Variants in RAB7A observed in about 807,000 individuals in gnomAD.
RAB7A encodes the protein RAB7A, member RAS oncogene family.
In RAB7A, 2 loss-of-function variants were observed where a neutral mutation model predicts 24.5. The observed-to-expected ratio is 0.08, with a 90% CI of 0.03 to 0.26. The LOEUF is 0.26. RAB7A is among the 10% of genes least tolerant of loss of function. The pLI, the probability that RAB7A is intolerant of heterozygous loss-of-function variation, is 1.00. For missense variants in RAB7A, 118 were observed against 255.7 expected (o/e 0.46, Z 3.67); for synonymous variants, 100 against 95.9 (o/e 1.04, Z -0.25).
At chr3:128,736,120 T>A (rs1381003639) in intron 1 of RAB7A, among the ~76,000 whole-genome samples, 2 of 152,184 alleles carry the variant, frequency 1.3e-5, no homozygotes, top group African/African-American at 4.8e-5. Context: ...TGTTACCTTG[T>A]TTAAACTTCA....
At chr3:128,795,155 G>T in intron 1 of RAB7A, 1 of 618,090 alleles carries the variant, frequency 1.6e-6, no homozygotes. Flanking sequence ...GGATGGCCCT[G>T]CTGTGCTGTT....
chr3:128,747,459 G>T (rs747091052), intron 1 of RAB7A, among the ~76,000 whole-genome samples: 1 of 151,434 alleles, frequency 6.6e-6, no homozygotes. Flanking sequence ...GGTGGCACAT[G>T]CCTGTAATAC....
At chr3:128,727,270 A>G (rs78460081) in intron 1 of RAB7A, among the ~76,000 whole-genome samples, 6,321 of 152,336 alleles carry the variant, frequency 0.041, 180 homozygotes, top group Non-Finnish European at 0.058. Context: ...CAGAGAGGCT[A>G]AGCCATTTGG....
At chr3:128,739,012 A>T (rs1200858325) in intron 1 of RAB7A, among the ~76,000 whole-genome samples, 1 of 152,210 alleles carries the variant, frequency 6.6e-6, no homozygotes, top group Non-Finnish European at 1.5e-5. Flanking sequence ...GTATTTTGAC[A>T]TTCTCTGACT....
rs61758751 is a variant in RAB7A at position 128,807,566 on chromosome 3, C to T, written c.423C>T (p.Ala141=). The T allele has an allele frequency of 1.2e-6, 2 of 1,614,054 alleles. No homozygotes were observed. The highest frequency in any genetic ancestry group is 1.7e-6 in the Non-Finnish European group (2 of 1,180,046). ...NRQVATKRAQ[A]WCYSKNNIPY... The stretch of plus-strand genomic sequence containing the variant: ...AGGTGGCCACAAAGCGGGCACAGGC[C>T]TGGTGCTACAGCAAAAACAACATTC... The change falls in exon 5 of 6, where the codon GCC becomes GCT. Residue 141 remains alanine, a synonymous_variant. Transcript: ENST00000265062.
At chr3:128,764,686 A>G (rs1188155264) in intron 1 of RAB7A, 2 of 841,886 alleles carry the variant, frequency 2.4e-6, no homozygotes, top group East Asian at 2.4e-5. Flanking sequence ...TGACTGATTC[A>G]CATTTTTTTC....
Position 128,792,868 on chromosome 3 carries a change from T to C in RAB7A, c.-8-2492T>C, listed in dbSNP as rs1425374791. ...TTATTTATTTATTTATTTATTCATT[T>C]GAGACAGTGCCTCGCACTGTCACCC... On this transcript the variant is annotated intron_variant, in intron 1 of 5. Coordinates refer to ENST00000265062, the MANE Select transcript of RAB7A (RefSeq NM_004637.6). Among the ~76,000 whole-genome samples, 3 of 146,186 alleles carry C rather than the reference T, an allele frequency of 2.1e-5. No individual in the cohort carries two copies. The East Asian group carries it at 6.1e-4, about 29-fold the overall frequency.
Position 128,812,431 on chromosome 3 carries a change from T to A in RAB7A, c.529-896T>A, listed in dbSNP as rs1479888430. 5.9e-5 allele frequency among the ~76,000 whole-genome samples: 9 copies of A among 152,370 alleles called. No homozygotes were observed. The East Asian group carries it at 1.7e-3, about 29-fold the overall frequency. ...TGCTCAGCCAAAGCTGTTATTTTTT[T>A]AAGTATGTATTCCTAGATGTTTTAT... On this transcript the variant is annotated intron_variant, in intron 5 of 5. Transcript: ENST00000265062.
intron 1 of RAB7A, chr3:128,795,139 G>C (rs1001517907): frequency 5.1e-6 from 3 of 589,018 alleles, no homozygotes; most frequent in Non-Finnish European, 9.2e-6. Context: ...ACAGCTTGCA[G>C]GGGCAGGATG....
intron 1 of RAB7A, among the ~76,000 whole-genome samples, chr3:128,752,935 A>C (rs965112227): frequency 4.6e-5 from 7 of 152,158 alleles, no homozygotes; most frequent in Non-Finnish European, 1.0e-4. Flanking sequence ...TTAAACTCTG[A>C]ATGTTTGGTC....
intron 1 of RAB7A, among the ~76,000 whole-genome samples, chr3:128,783,700 C>G (rs1933270994): frequency 6.6e-6 from 1 of 152,180 alleles, no homozygotes; most frequent in Admixed American, 6.5e-5. Context: ...CCCCCTGATG[C>G]TTAGCTGCTC....
intron 1 of RAB7A, among the ~76,000 whole-genome samples, chr3:128,769,792 G>C (rs998554520): frequency 1.1e-4 from 17 of 152,172 alleles, no homozygotes; most frequent in Non-Finnish European, 2.1e-4. Context: ...CTCCCAATGG[G>C]CAGTAGCAGA....
chr3:128,764,920 T>A (rs1576283927), intron 1 of RAB7A: 2 of 1,583,670 alleles, frequency 1.3e-6, no homozygotes, highest in East Asian at 4.5e-5. Context: ...CAGGTAAACG[T>A]AGGAGGCGTA....
chr3:128,766,157 T>C (rs1449650479), intron 1 of RAB7A, among the ~76,000 whole-genome samples: 1 of 152,178 alleles, frequency 6.6e-6, no homozygotes, highest in East Asian at 1.9e-4. Context: ...GCCCCTCTAC[T>C]TAGATGTACA....
chr3:128,766,203 C>T (rs2070829909), intron 1 of RAB7A, among the ~76,000 whole-genome samples: 1 of 152,186 alleles, frequency 6.6e-6, no homozygotes. Flanking sequence ...TGATATGCTC[C>T]ACTGAATACA....
At position 128,797,913 on chromosome 3, in the gene RAB7A, C is replaced by T. The variant is rs756808624; in HGVS notation, c.54-30C>T. On this transcript the variant is annotated intron_variant, in intron 2 of 5. Coordinates refer to ENST00000265062, the MANE Select transcript of RAB7A (RefSeq NM_004637.6). ...TCAGTTTCAGGACCCTCCTATTTGA[C>T]TTATACTTATGGTTTTTCTCCAATT... The T allele has an allele frequency of 5.0e-6, 8 of 1,610,718 alleles. No individual in the cohort carries two copies. The South Asian group carries it at 5.5e-5, about 11-fold the overall frequency.
chr3:128,794,869 A>T (rs1933533156), intron 1 of RAB7A, among the ~76,000 whole-genome samples: 1 of 152,048 alleles, frequency 6.6e-6, no homozygotes, highest in Non-Finnish European at 1.5e-5. Flanking sequence ...TAGAAAAGGG[A>T]TAGACTAGAT....
At chr3:128,745,662 G>A (rs1037894612) in intron 1 of RAB7A, among the ~76,000 whole-genome samples, 9 of 152,338 alleles carry the variant, frequency 5.9e-5, no homozygotes, top group African/African-American at 1.9e-4. Flanking sequence ...CACCAGGCCC[G>A]GGTGAGCACC....
At chr3:128,730,701 T>G (rs2070427137) in intron 1 of RAB7A, among the ~76,000 whole-genome samples, 1 of 152,192 alleles carries the variant, frequency 6.6e-6, no homozygotes, top group Admixed American at 6.5e-5. Flanking sequence ...GAATAGCTAC[T>G]TGCAAAATAT....
Sources: allele counts gnomAD v4.1 joint callset (sites outside exome capture counted in the v4.1 genomes callset), GRCh38; gene constraint gnomAD v4.1.1; transcripts MANE v1.5; gene names NCBI Gene and HGNC (gene_info 2026-07-23, HGNC 2026-07-21).